The following RABGAP1L variants were observed in gnomAD, a reference collection of about 807,000 sequenced individuals.
RABGAP1L encodes rab GTPase-activating protein 1-like.
A neutral mutation model predicts 137.7 loss-of-function variants in RABGAP1L; 63 were observed. The observed-to-expected ratio is 0.46, with a 90% CI of 0.37 to 0.56. The LOEUF (loss-of-function observed/expected upper bound fraction) is 0.56. Among genes scored for constraint, RABGAP1L ranks in the 20% least tolerant of loss-of-function variants. The probability of loss-of-function intolerance (pLI) is 0.00; values close to 1 mark genes in which losing one functional copy is unlikely to be tolerated. For missense variants in RABGAP1L, 1,095 were observed against 1,244.0 expected (o/e 0.88, Z 1.80); for synonymous variants, 431 against 433.7 (o/e 0.99, Z 0.08).
At chr1:174,255,066 A>G (rs1393007018) in intron 7 of RABGAP1L, among the ~76,000 whole-genome samples, 2 of 151,908 alleles carry the variant, frequency 1.3e-5, no homozygotes, top group East Asian at 3.9e-4. Context: ...TGTAGTTTTG[A>G]TTTGCATTTC....
chr1:174,600,612 G>C (rs1670334149), intron 13 of RABGAP1L, among the ~76,000 whole-genome samples: 1 of 152,184 alleles, frequency 6.6e-6, no homozygotes, highest in African/African-American at 2.4e-5. Flanking sequence ...CAGTGAGGCA[G>C]TCAAATTTTA....
chr1:174,985,749 A>G (rs947951035), intron 24 of RABGAP1L, among the ~76,000 whole-genome samples: 2 of 152,192 alleles, frequency 1.3e-5, no homozygotes, highest in Non-Finnish European at 2.9e-5. Flanking sequence ...TAGATTGGCC[A>G]CATATAGGGA....
At chr1:174,217,136 A>T (rs775947394) in intron 1 of RABGAP1L, among the ~76,000 whole-genome samples, 2 of 152,170 alleles carry the variant, frequency 1.3e-5, no homozygotes, top group Non-Finnish European at 2.9e-5. Context: ...GAGGTGAATC[A>T]AGGATGATAT....
intron 1 of RABGAP1L, among the ~76,000 whole-genome samples, chr1:174,194,400 A>G (rs947016815): frequency 6.6e-6 from 1 of 151,892 alleles, no homozygotes; most frequent in Admixed American, 6.6e-5. Context: ...ACGCCCAGCT[A>G]ATTTTTTGTA....
intron 18 of RABGAP1L, among the ~76,000 whole-genome samples, chr1:174,782,318 C>T: frequency 6.6e-6 from 1 of 152,074 alleles, no homozygotes; most frequent in Non-Finnish European, 1.5e-5. Context: ...ATTTTATTCT[C>T]TTTGAAGCAA....
At chr1:174,421,868 A>G (rs1195303174) in intron 13 of RABGAP1L, among the ~76,000 whole-genome samples, 1 of 152,174 alleles carries the variant, frequency 6.6e-6, no homozygotes, top group Non-Finnish European at 1.5e-5. Flanking sequence ...TACTGGGTTC[A>G]AGTGATTCTC....
At chr1:174,327,970 T>C (rs1451525868) in intron 11 of RABGAP1L, among the ~76,000 whole-genome samples, 5 of 15,252 alleles carry the variant, frequency 3.3e-4, no homozygotes, top group African/African-American at 1.4e-3. Flanking sequence ...TATATATATA[T>C]ATATATATAC....
At chr1:174,732,824 C>G (rs1048252386) in intron 17 of RABGAP1L, among the ~76,000 whole-genome samples, 80 of 152,050 alleles carry the variant, frequency 5.3e-4, no homozygotes, top group Admixed American at 5.2e-3. Context: ...ATTTAGCATC[C>G]AAAGGCACGA....
At chr1:174,665,380 C>T (rs1055942318) in intron 14 of RABGAP1L, among the ~76,000 whole-genome samples, 4 of 150,890 alleles carry the variant, frequency 2.7e-5, no homozygotes, top group South Asian at 2.1e-4. Context: ...TTTTCTTTTC[C>T]TTTCCTTTCT....
At chr1:174,661,283 G>A (rs1676351792) in intron 14 of RABGAP1L, among the ~76,000 whole-genome samples, 1 of 152,126 alleles carries the variant, frequency 6.6e-6, no homozygotes, top group Non-Finnish European at 1.5e-5. Flanking sequence ...GAAAATACAT[G>A]CTGAGTTTGA....
intron 24 of RABGAP1L, among the ~76,000 whole-genome samples, chr1:174,987,885 C>T (rs539773254): frequency 6.6e-6 from 1 of 152,296 alleles, no homozygotes; most frequent in South Asian, 2.1e-4. Flanking sequence ...TCTCGGCTCA[C>T]TGCAAGCTCC....
intron 13 of RABGAP1L, among the ~76,000 whole-genome samples, chr1:174,434,346 T>A: frequency 6.6e-6 from 1 of 152,208 alleles, no homozygotes; most frequent in East Asian, 1.9e-4. Flanking sequence ...TATGGAAATA[T>A]CACGGTTTGT....
intron 18 of RABGAP1L, among the ~76,000 whole-genome samples, chr1:174,777,289 C>T (rs1573141000): frequency 6.6e-6 from 1 of 152,194 alleles, no homozygotes; most frequent in East Asian, 1.9e-4. Context: ...GTGTTCTTTT[C>T]ATCCTGTTGT....
chr1:174,463,101 TGG>T, intron 13 of RABGAP1L, among the ~76,000 whole-genome samples: 1 of 152,160 alleles, frequency 6.6e-6, no homozygotes, highest in African/African-American at 2.4e-5. Flanking sequence ...GAAGTCAGTG[TGG>T]CGATTCCTCA....
At chr1:174,256,511 G>A (rs1377480297) in intron 7 of RABGAP1L, among the ~76,000 whole-genome samples, 2 of 152,102 alleles carry the variant, frequency 1.3e-5, no homozygotes, top group African/African-American at 4.8e-5. Flanking sequence ...TGCTGGGCGC[G>A]GTGGCTCACG....
At chr1:174,450,282 G>T (rs1255495736) in intron 13 of RABGAP1L, among the ~76,000 whole-genome samples, 2 of 152,054 alleles carry the variant, frequency 1.3e-5, no homozygotes. Context: ...TTAGGTCTAC[G>T]ATAGCTTACT....
At chr1:174,969,433 C>A in intron 21 of RABGAP1L, 46 bp downstream of exon 21, 1 of 1,403,220 alleles carries the variant, frequency 7.1e-7, no homozygotes, top group Non-Finnish European at 9.9e-7. Context: ...AGGGCAAAGA[C>A]CGATTTGCCC....
At chr1:174,821,363 T>C (rs1475756737) in intron 19 of RABGAP1L, among the ~76,000 whole-genome samples, 1 of 152,178 alleles carries the variant, frequency 6.6e-6, no homozygotes, top group Non-Finnish European at 1.5e-5. Context: ...AATGATAAGA[T>C]GTTACTTATC....
intron 19 of RABGAP1L, chr1:174,850,077 G>C (rs1573498322): frequency 1.9e-6 from 1 of 527,494 alleles, no homozygotes; most frequent in East Asian, 5.2e-5. Context: ...GGGGTGTCTG[G>C]GATTGGGAGG....
Sources: allele counts gnomAD v4.1 joint callset (sites outside exome capture counted in the v4.1 genomes callset), GRCh38; gene constraint gnomAD v4.1.1; transcripts MANE v1.5; gene names NCBI Gene and HGNC (gene_info 2026-07-23, HGNC 2026-07-21).